Variants in IL3RA observed in about 807,000 individuals in gnomAD.
The protein encoded by IL3RA is interleukin-3 receptor subunit alpha.
Under a neutral mutation model 52.3 loss-of-function variants are expected in IL3RA, and 73 were observed. The ratio of observed to expected loss-of-function variants is 1.40; its 90% confidence interval spans 1.16 to 1.70. IL3RA has a LOEUF of 1.70. Ranked by LOEUF, IL3RA falls within the 40% of genes most tolerant of loss-of-function variation. The probability of loss-of-function intolerance (pLI) is 0.00; values close to 1 mark genes in which losing one functional copy is unlikely to be tolerated. For missense variants in IL3RA, 664 were observed against 504.4 expected (o/e 1.32, Z -3.03); for synonymous variants, 260 against 194.0 (o/e 1.34, Z -2.83).
chrX:1,378,454 C>T (rs2088950343), intron 9 of IL3RA, among the ~76,000 whole-genome samples: 1 of 150,554 alleles, frequency 6.6e-6, no homozygotes, highest in African/African-American at 2.5e-5. Flanking sequence ...GGAAGTCGCT[C>T]CCGGTCCTGG....
rs1310938944 is a variant in IL3RA at position 1,348,638 on chromosome X, CTTTTTCTCTTTCTTTCTT to C, written c.298+95_298+112del. 2.5e-5 allele frequency: 18 copies of C among 724,038 alleles called. No homozygotes were observed. The African/African-American group carries it at 3.0e-4, about 12-fold the overall frequency. 44.9% of individuals were successfully genotyped at this position (724,038 alleles called of 1,614,324 possible). A position where few individuals can be genotyped will look rare whatever the true frequency, so the allele number is the denominator to read the frequency against. On this transcript the variant is annotated intron_variant, in intron 4 of 11. Transcript: ENST00000331035. ...GCCTTCGCTGTGTCTTTTTTCTTTT[CTTTTTCTCTTTCTTTCTT>C]TCTTTCTTTCTTTCTTTCTTTCTTT...
At chrX:1,348,086 C>T (rs1173113458) in intron 3 of IL3RA, among the ~76,000 whole-genome samples, 7 of 149,426 alleles carry the variant, frequency 4.7e-5, no homozygotes, top group Non-Finnish European at 7.4e-5. Context: ...GTGGCTCACG[C>T]CTGTAATCCC....
chrX:1,357,056 G>C (rs2086790646), intron 7 of IL3RA, among the ~76,000 whole-genome samples: 1 of 151,702 alleles, frequency 6.6e-6, no homozygotes, highest in Non-Finnish European at 1.5e-5. Context: ...GGGTTCAAGT[G>C]ATTCTCCTGC....
chrX:1,376,695 T>A (rs2088760484), intron 9 of IL3RA, among the ~76,000 whole-genome samples: 1 of 142,024 alleles, frequency 7.0e-6, no homozygotes, highest in Admixed American at 7.0e-5. Flanking sequence ...GAACCAGCCC[T>A]GCCCACACCT....
chrX:1,380,594 GGA>G (rs2089125764), intron 10 of IL3RA, among the ~76,000 whole-genome samples: 2 of 22,098 alleles, frequency 9.1e-5, no homozygotes, highest in Admixed American at 4.1e-4. Flanking sequence ...GGGGGAAGGG[GGA>G]GGAGGAGAGG....
At chrX:1,362,264 CTG>C (rs1162876530) in intron 8 of IL3RA, among the ~76,000 whole-genome samples, 2 of 150,928 alleles carry the variant, frequency 1.3e-5, no homozygotes, top group East Asian at 1.9e-4. Flanking sequence ...CTCTGTTTTT[CTG>C]TCTCTTTTTC....
intron 10 of IL3RA, 83 bp from the exon 11 acceptor site, chrX:1,380,940 T>C (rs1269995659): frequency 4.2e-6 from 5 of 1,186,562 alleles, no homozygotes; most frequent in Admixed American, 3.4e-5. Context: ...GTCCTGGCAC[T>C]GTCTGTCCTG....
intron 6 of IL3RA, among the ~76,000 whole-genome samples, chrX:1,355,459 A>AGGGGGAGGGGGAGGAGGG (rs2086631713): frequency 2.1e-5 from 1 of 48,458 alleles, no homozygotes; most frequent in Non-Finnish European, 3.9e-5. Context: ...CCAGGAGGGT[A>AGGGGGAGGGGGAGGAGGG]GGAGGAGGGG....
At chrX:1,361,664 A>T (rs1351981713) in intron 8 of IL3RA, among the ~76,000 whole-genome samples, 1 of 151,298 alleles carries the variant, frequency 6.6e-6, no homozygotes, top group Non-Finnish European at 1.5e-5. Flanking sequence ...GAAGCAGGAG[A>T]ATCGCTTGAA....
At chrX:1,382,222 T>G (rs867245393) in intron 11 of IL3RA, among the ~76,000 whole-genome samples, 169 bp from the exon 12 acceptor site, 82 of 28,524 alleles carry the variant, frequency 2.9e-3, no homozygotes, top group African/African-American at 0.013. Flanking sequence ...GTGCTGGGAT[T>G]ACAGGTGTGA....
chrX:1,381,113 T>C lies in IL3RA; in HGVS notation c.1062+9T>C, dbSNP rs745679173. On this transcript the variant is annotated intron_variant, in intron 11 of 11. Coordinates refer to ENST00000331035, the MANE Select transcript of IL3RA (RefSeq NM_002183.4). Reference sequence around the variant, plus strand: ...TCCAAAACGACAAGCTGGTATGTTGTTTTTTCTGCCTTGGGACGGGTCTGG... The same window carrying C: ...TCCAAAACGACAAGCTGGTATGTTGCTTTTTCTGCCTTGGGACGGGTCTGG... The C allele has an allele frequency of 1.2e-6, 2 of 1,613,606 alleles. No individual in the cohort carries two copies. The highest frequency in any genetic ancestry group is 8.5e-7 in the Non-Finnish European group (1 of 1,179,606).
At chrX:1,367,185 A>C (rs1189023958) in intron 9 of IL3RA, among the ~76,000 whole-genome samples, 2 of 26,624 alleles carry the variant, frequency 7.5e-5, no homozygotes, top group Non-Finnish European at 5.8e-5. Context: ...GCGCGGGGTG[A>C]GCGGGGTGCG....
chrX:1,358,590 C>T (rs17886122), intron 7 of IL3RA, among the ~76,000 whole-genome samples: 6,422 of 152,174 alleles, frequency 0.042, 417 homozygotes, highest in African/African-American at 0.14. Flanking sequence ...ATCCGGGAGG[C>T]GGAGGTTGCA....
chrX:1,343,389 G>A (rs1378546958), intron 2 of IL3RA, among the ~76,000 whole-genome samples: 2 of 152,016 alleles, frequency 1.3e-5, no homozygotes, highest in African/African-American at 4.8e-5. Context: ...TACTGGCCGG[G>A]TGCAACGGCT....
intron 6 of IL3RA, among the ~76,000 whole-genome samples, chrX:1,355,106 G>A (rs1271169976): frequency 3.7e-5 from 2 of 53,660 alleles, no homozygotes; most frequent in East Asian, 5.6e-4. Context: ...AAGAAGGAGC[G>A]GGAGGAGAGG....
At chrX:1,358,723 C>T in intron 7 of IL3RA, 138 bp from the exon 8 acceptor site, 1 of 701,070 alleles carries the variant, frequency 1.4e-6, no homozygotes, top group Non-Finnish European at 2.5e-6. Flanking sequence ...ATTATTTTGC[C>T]CCCACTGCTG....
intron 4 of IL3RA, among the ~76,000 whole-genome samples, chrX:1,350,083 A>C (rs2086015322): frequency 6.6e-6 from 1 of 152,186 alleles, no homozygotes; most frequent in African/African-American, 2.4e-5. Flanking sequence ...AAAATTTTAC[A>C]AATAGAAAAC....
chrX:1,382,640 A>AAC lies in IL3RA; in HGVS notation c.*176_*177dup. 1 of 646,936 alleles carries AAC rather than the reference A, an allele frequency of 1.5e-6. No individual in the cohort carries two copies. Among genetic ancestry groups the AAC allele is most frequent in the Non-Finnish European group, 2.8e-6 (1 of 355,550 alleles). The allele number at this position is 646,936 out of a possible 1,614,324, so 40.1% of individuals were successfully genotyped here. On this transcript the variant is annotated 3_prime_UTR_variant, in exon 12 of 12. Transcript: ENST00000331035. Reference sequence around the variant, plus strand: ...CCGAAGCTGCCAGGAAGAAGAACAGAACTTTGTGTGTTTATTTCATGATAA... The same window carrying AAC: ...CCGAAGCTGCCAGGAAGAAGAACAGAACACTTTGTGTGTTTATTTCATGATAA...
At chrX:1,348,165 G>A (rs2085853166) in intron 3 of IL3RA, among the ~76,000 whole-genome samples, 2 of 150,202 alleles carry the variant, frequency 1.3e-5, no homozygotes, top group East Asian at 3.9e-4. Context: ...TGACCAACAT[G>A]GTGAAACCCT....
Sources: allele counts gnomAD v4.1 joint callset (sites outside exome capture counted in the v4.1 genomes callset), GRCh38; gene constraint gnomAD v4.1.1; transcripts MANE v1.5; gene names NCBI Gene and HGNC (gene_info 2026-07-23, HGNC 2026-07-21).